Variants in FRMD4A observed in about 807,000 individuals in gnomAD.
FRMD4A encodes the protein FERM domain-containing protein 4A.
Under a neutral mutation model 129.1 loss-of-function variants are expected in FRMD4A, and 29 were observed. That is an observed-to-expected ratio of 0.22 (90% CI 0.17 to 0.31). The LOEUF (loss-of-function observed/expected upper bound fraction) is 0.31, where lower values mean the gene tolerates loss of function less well. FRMD4A is among the 10% of genes least tolerant of loss of function. The probability of loss-of-function intolerance (pLI) is 1.00; values close to 1 mark genes in which losing one functional copy is unlikely to be tolerated. For missense variants in FRMD4A, 1,272 were observed against 1,375.8 expected (o/e 0.92, Z 1.19); for synonymous variants, 634 against 571.6 (o/e 1.11, Z -1.56).
Position 14,280,982 on chromosome 10 carries a change from ATTTTTTTTTTTTTTTT to A in FRMD4A, c.45+49060_45+49075del, listed in dbSNP as rs772555677. ...CCCTGATCCAATCTGACTGGTTTCAATTTTTTTTTTTTTTTTTTTTTTTTTTTGCAACGGAGTTTCG... is the reference window on the plus strand; with the variant it reads ...CCCTGATCCAATCTGACTGGTTTCAATTTTTTTTTTTGCAACGGAGTTTCG... On this transcript the variant is annotated intron_variant, in intron 2 of 24. Transcript: ENST00000357447. Among the ~76,000 whole-genome samples the A allele has an allele frequency of 3.9e-5, 3 of 76,558 alleles. No individual in the cohort carries two copies. In the South Asian group the frequency reaches 1.6e-3, roughly 41 times the overall value. The allele number at this position is 76,558 out of a possible 152,430, so 50.2% of individuals were successfully genotyped here. A position where few individuals can be genotyped will look rare whatever the true frequency, so the allele number is the denominator to read the frequency against.
chr10:13,669,207 A>T (rs1485784269), intron 17 of FRMD4A, among the ~76,000 whole-genome samples: 4 of 151,898 alleles, frequency 2.6e-5, no homozygotes, highest in African/African-American at 9.7e-5. Flanking sequence ...TTACAGGCAT[A>T]CACCACCATG....
At chr10:14,102,514 A>G (rs1444021708) in intron 2 of FRMD4A, among the ~76,000 whole-genome samples, 1 of 152,200 alleles carries the variant, frequency 6.6e-6, no homozygotes, top group Non-Finnish European at 1.5e-5. Context: ...TTCATTGCAC[A>G]GGTATGTCAG....
chr10:14,199,638 C>T (rs1171700620), intron 2 of FRMD4A, among the ~76,000 whole-genome samples: 1 of 152,192 alleles, frequency 6.6e-6, no homozygotes, highest in Non-Finnish European at 1.5e-5. Context: ...GATCCACCTG[C>T]CTTGGCCTCC....
At chr10:14,019,463 G>A (rs1040866254) in intron 2 of FRMD4A, among the ~76,000 whole-genome samples, 2 of 152,150 alleles carry the variant, frequency 1.3e-5, no homozygotes, top group African/African-American at 4.8e-5. Flanking sequence ...TAATAAAACT[G>A]AATTTTGATT....
intron 13 of FRMD4A, among the ~76,000 whole-genome samples, chr10:13,705,219 C>T (rs1259789136): frequency 6.6e-6 from 1 of 152,100 alleles, no homozygotes; most frequent in African/African-American, 2.4e-5. Context: ...ACATTGATCA[C>T]TGCTGTCTAA....
chr10:13,892,874 A>G (rs2094716787), intron 2 of FRMD4A, among the ~76,000 whole-genome samples: 1 of 152,186 alleles, frequency 6.6e-6, no homozygotes. Context: ...TGAAAATTAT[A>G]CCTTTTTCCA....
rs74452221 is a variant in FRMD4A at position 14,046,684 on chromosome 10, A to G, written c.46-187772T>C. ...AAATCATTTCTGTTTGTTCAGAATG[A>G]TGATCAAACCCCTGACGTGATGGTG... On this transcript the variant is annotated intron_variant, in intron 2 of 24. Coordinates refer to ENST00000357447, the MANE Select transcript of FRMD4A (RefSeq NM_018027.5). 2.7e-3 allele frequency among the ~76,000 whole-genome samples: 409 copies of G among 152,282 alleles called. 4 individuals carry two copies. Among genetic ancestry groups the G allele is most frequent in the African/African-American group, 9.3e-3 (386 of 41,568 alleles).
chr10:14,314,551 C>A (rs1007924632), intron 2 of FRMD4A, among the ~76,000 whole-genome samples: 2 of 152,128 alleles, frequency 1.3e-5, no homozygotes, highest in Non-Finnish European at 2.9e-5. Flanking sequence ...GGAGAGCTCT[C>A]TTTACCACTC....
intron 2 of FRMD4A, among the ~76,000 whole-genome samples, chr10:14,099,021 C>A (rs1286621174): frequency 6.6e-5 from 10 of 152,206 alleles, no homozygotes; most frequent in Non-Finnish European, 1.5e-4. Flanking sequence ...AGTGAAATCC[C>A]AGGAGCACTC....
intron 12 of FRMD4A, among the ~76,000 whole-genome samples, chr10:13,733,444 T>A (rs1298811394): frequency 6.6e-6 from 1 of 152,154 alleles, no homozygotes; most frequent in Non-Finnish European, 1.5e-5. Flanking sequence ...AGGCCTGGTT[T>A]TTTTTTTGGA....
chr10:13,817,448 G>A (rs1201581257), intron 3 of FRMD4A, among the ~76,000 whole-genome samples: 1 of 152,196 alleles, frequency 6.6e-6, no homozygotes, highest in Admixed American at 6.5e-5. Flanking sequence ...CGTGTTGCAG[G>A]GCTGTAAAGC....
intron 15 of FRMD4A, among the ~76,000 whole-genome samples, chr10:13,691,226 G>A (rs538618592): frequency 1.3e-5 from 2 of 152,354 alleles, no homozygotes; most frequent in African/African-American, 4.8e-5. Context: ...GGCCTCAAGC[G>A]ATCCGCCTGC....
At chr10:14,065,493 A>T (rs1443099560) in intron 2 of FRMD4A, among the ~76,000 whole-genome samples, 2 of 151,968 alleles carry the variant, frequency 1.3e-5, no homozygotes, top group Non-Finnish European at 2.9e-5. Context: ...AATTCAGTGG[A>T]ACTTTGTCTT....
At chr10:14,237,376 G>C (rs760574514) in intron 2 of FRMD4A, among the ~76,000 whole-genome samples, 6 of 152,134 alleles carry the variant, frequency 3.9e-5, no homozygotes, top group Non-Finnish European at 8.8e-5. Context: ...TGTCGCCCAG[G>C]CTGGAGTGCA....
chr10:13,749,105 A>C (rs1225809668), intron 8 of FRMD4A, among the ~76,000 whole-genome samples: 1 of 152,100 alleles, frequency 6.6e-6, no homozygotes, highest in Non-Finnish European at 1.5e-5. Flanking sequence ...CAGAGCAACA[A>C]ACGGCAGCCA....
At position 13,855,941 on chromosome 10, in the gene FRMD4A, G is replaced by A. The variant is rs375158824; in HGVS notation, c.111+2906C>T. ...TCCAAGTTTTGCTAAAGCCCATTCT[G>A]CAATTAATTTAGAACCTTTCCATAT... On this transcript the variant is annotated intron_variant, in intron 3 of 24. Coordinates refer to ENST00000357447, the MANE Select transcript of FRMD4A (RefSeq NM_018027.5). Among the ~76,000 whole-genome samples the A allele has an allele frequency of 4.3e-4, 66 of 151,838 alleles. 1 individual carries two copies. In the South Asian group the frequency reaches 0.013, roughly 31 times the overall value.
At chr10:14,054,848 T>C (rs967118076) in intron 2 of FRMD4A, among the ~76,000 whole-genome samples, 9 of 152,206 alleles carry the variant, frequency 5.9e-5, no homozygotes, top group Non-Finnish European at 8.8e-5. Context: ...GATGGTTTTA[T>C]AAAGGGCAGT....
intron 2 of FRMD4A, among the ~76,000 whole-genome samples, chr10:14,262,815 G>A (rs576608002): frequency 1.5e-3 from 229 of 152,282 alleles, no homozygotes; most frequent in African/African-American, 5.3e-3. Context: ...GAGGATGTAG[G>A]TGCACTCAGC....
rs1157025063 is a variant in FRMD4A, at chr10:14,128,042, TTCCC to T, written c.45+202012_45+202015del. ...TTCCTTCCTTCCTTCCTTCCTTTCTTTCCCTCTTTCTTTCTTTCTTTCTTTCTTT... is the reference window on the plus strand; with the variant it reads ...TTCCTTCCTTCCTTCCTTCCTTTCTTTCTTTCTTTCTTTCTTTCTTTCTTT... On this transcript the variant is annotated intron_variant, in intron 2 of 24. Coordinates refer to ENST00000357447, the MANE Select transcript of FRMD4A (RefSeq NM_018027.5). 7.2e-4 allele frequency among the ~76,000 whole-genome samples: 80 copies of T among 111,628 alleles called. 2 individuals are homozygous for T. The highest frequency in any genetic ancestry group is 2.0e-3 in the East Asian group (8 of 4,008). 73.2% of individuals were successfully genotyped at this position (111,628 alleles called of 152,430 possible).
Sources: gnomAD v4.1 joint callset for allele counts (sites outside exome capture counted in the v4.1 genomes callset) on GRCh38, gnomAD v4.1.1 for gene constraint, MANE v1.5 for transcripts, NCBI Gene and HGNC (gene_info 2026-07-23, HGNC 2026-07-21) for gene names.